The following FBXO21 variants were observed in gnomAD, a reference collection of about 807,000 sequenced individuals.
FBXO21 encodes F-box protein 21.
Under a neutral mutation model 76.6 loss-of-function variants are expected in FBXO21, and 32 were observed. The observed-to-expected ratio is 0.42, with a 90% CI of 0.32 to 0.56. The LOEUF (loss-of-function observed/expected upper bound fraction) is 0.56. FBXO21 is among the 20% of genes least tolerant of loss of function. FBXO21 has a pLI of 0.16. For missense variants in FBXO21, 586 were observed against 797.3 expected (o/e 0.73, Z 3.19); for synonymous variants, 328 against 311.5 (o/e 1.05, Z -0.56).
At chr12:117,176,971 A>T (rs200383764) in intron 4 of FBXO21, among the ~76,000 whole-genome samples, 17 of 31,710 alleles carry the variant, frequency 5.4e-4, no homozygotes, top group East Asian at 3.6e-3. Flanking sequence ...AAATCATTTT[A>T]AAAAAAATGG....
At chr12:117,190,175 G>C in intron 1 of FBXO21, 43 bp downstream of exon 1, 2 of 1,141,432 alleles carry the variant, frequency 1.8e-6, no homozygotes, top group Non-Finnish European at 2.2e-6. Flanking sequence ...CGGGGGGCGC[G>C]GGGCGGTGGG....
At chr12:117,181,643 ATCT>A (rs1956235060) in intron 3 of FBXO21, among the ~76,000 whole-genome samples, 4 of 150,534 alleles carry the variant, frequency 2.7e-5, no homozygotes, top group Non-Finnish European at 5.9e-5. Flanking sequence ...CTATCTATCT[ATCT>A]AATCTAGCTA....
chr12:117,178,452 C>T (rs544662445), intron 3 of FBXO21, among the ~76,000 whole-genome samples: 6 of 152,208 alleles, frequency 3.9e-5, no homozygotes, highest in South Asian at 4.1e-4. Flanking sequence ...TGCAGTAACA[C>T]GTACGGTCAC....
At chr12:117,156,248 A>C (rs530071376) in intron 10 of FBXO21, among the ~76,000 whole-genome samples, 1 of 152,300 alleles carries the variant, frequency 6.6e-6, no homozygotes, top group Non-Finnish European at 1.5e-5. Context: ...TACAGCAAAG[A>C]CTCAGGTGTT....
chr12:117,179,026 A>T lies in FBXO21; in HGVS notation c.471-1385T>A, dbSNP rs190358653. On this transcript the variant is annotated intron_variant, in intron 3 of 11. Coordinates refer to ENST00000622495, the MANE Select transcript of FBXO21 (RefSeq NM_015002.3). ...TCTTCACCACATATCCCAAATACATATGGGGATTATAAGAAGCAGGAGAGA... is the reference window on the plus strand; with the variant it reads ...TCTTCACCACATATCCCAAATACATTTGGGGATTATAAGAAGCAGGAGAGA... Among the ~76,000 whole-genome samples, 375 of 152,274 alleles carry T rather than the reference A, an allele frequency of 2.5e-3. 7 individuals carry two copies. The highest frequency in any genetic ancestry group is 8.1e-4 in the Non-Finnish European group (55 of 68,032).
intron 9 of FBXO21, among the ~76,000 whole-genome samples, chr12:117,162,429 T>C (rs1955991300): frequency 6.6e-6 from 1 of 152,220 alleles, no homozygotes; most frequent in Admixed American, 6.5e-5. Flanking sequence ...ATTTAACTTC[T>C]CCCTGCCTCA....
intron 11 of FBXO21, among the ~76,000 whole-genome samples, chr12:117,153,920 A>G (rs764734104): frequency 6.6e-6 from 1 of 152,254 alleles, no homozygotes; most frequent in Non-Finnish European, 1.5e-5. Flanking sequence ...TTACCTAGAT[A>G]TGATTAGAGA....
intron 9 of FBXO21, among the ~76,000 whole-genome samples, chr12:117,160,047 G>C (rs1461592053): frequency 6.6e-6 from 1 of 152,132 alleles, no homozygotes; most frequent in African/African-American, 2.4e-5. Context: ...GGAGATCCTG[G>C]ATTGGGGTCT....
chr12:117,152,990 G>A (rs1359530197), intron 11 of FBXO21, among the ~76,000 whole-genome samples: 1 of 152,066 alleles, frequency 6.6e-6, no homozygotes, highest in Admixed American at 6.6e-5. Flanking sequence ...CGTGGGAACC[G>A]TGCTGGGGCT....
At position 117,145,926 on chromosome 12, in the gene FBXO21, G is replaced by A. The variant is rs749666377; in HGVS notation, c.*161C>T. 2.8e-5 allele frequency: 15 copies of A among 529,934 alleles called. No homozygotes were observed. The highest frequency in any genetic ancestry group is 3.9e-5 in the Non-Finnish European group (12 of 304,030). The allele number at this position is 529,934 out of a possible 1,614,324, so 32.8% of individuals were successfully genotyped here. A position where few individuals can be genotyped will look rare whatever the true frequency, so the allele number is the denominator to read the frequency against. Reference sequence around the variant, plus strand: ...ACATTGTCTTTGCAGCTGGGGAAGAGCACACGGTATTTAAACTTAGTAGGA... The same window carrying A: ...ACATTGTCTTTGCAGCTGGGGAAGAACACACGGTATTTAAACTTAGTAGGA... On this transcript the variant is annotated 3_prime_UTR_variant, in exon 12 of 12. Coordinates refer to ENST00000622495, the MANE Select transcript of FBXO21 (RefSeq NM_015002.3).
intron 7 of FBXO21, among the ~76,000 whole-genome samples, chr12:117,171,105 T>C (rs192995637): frequency 1.0e-3 from 152 of 152,176 alleles, no homozygotes; most frequent in Admixed American, 2.9e-3. Context: ...GGCTCACGCC[T>C]GTAATCCCAG....
chr12:117,182,659 T>C (rs1956246648), intron 3 of FBXO21, among the ~76,000 whole-genome samples: 1 of 139,330 alleles, frequency 7.2e-6, no homozygotes, highest in South Asian at 2.4e-4. Flanking sequence ...GCCTCCCAGG[T>C]TCAAGCAATT....
rs761051803 is a variant in FBXO21 at position 117,155,906 on chromosome 12, GCAGGTGGGGTCC to G, written c.1548_1559del (p.Trp516_Thr519del). ...TCCGGATCCACTCGTGTCCCATCAT[GCAGGTGGGGTCC>G]CAGCCGTAGATCACACAGTTATAGC... On this transcript the variant is annotated inframe_deletion, in exon 11 of 12. Transcript: ENST00000622495. 1 of 1,614,204 alleles carries G rather than the reference GCAGGTGGGGTCC, an allele frequency of 6.2e-7. No individual in the cohort carries two copies. The highest frequency in any genetic ancestry group is 8.5e-7 in the Non-Finnish European group (1 of 1,180,004).
At position 117,147,893 on chromosome 12, in the gene FBXO21, C is replaced by T. The variant is rs143816405; in HGVS notation, c.1676-1616G>A. On this transcript the variant is annotated intron_variant, in intron 11 of 11. Transcript: ENST00000622495. The stretch of plus-strand genomic sequence containing the variant: ...ACCCCAGTTCCGATCACTCTGAAGC[C>T]ATCCTTGGCACTGCCCATCACTCGA... 2.4e-3 allele frequency among the ~76,000 whole-genome samples: 373 copies of T among 152,332 alleles called. 3 individuals carry two copies. Among genetic ancestry groups the T allele is most frequent in the African/African-American group, 8.6e-3 (358 of 41,572 alleles).
intron 7 of FBXO21, among the ~76,000 whole-genome samples, chr12:117,167,736 ACT>A (rs1374095808): frequency 1.5e-5 from 2 of 131,206 alleles, no homozygotes; most frequent in African/African-American, 2.6e-5. Flanking sequence ...ACAGAAAAAG[ACT>A]CTGTCTCAAA....
At chr12:117,157,193 A>G (rs994585329) in intron 10 of FBXO21, among the ~76,000 whole-genome samples, 1 of 152,070 alleles carries the variant, frequency 6.6e-6, no homozygotes, top group East Asian at 1.9e-4. Context: ...AGAAAAAAAA[A>G]AAAAGAAAAA....
intron 11 of FBXO21, among the ~76,000 whole-genome samples, chr12:117,151,926 T>C (rs899796720): frequency 1.3e-5 from 2 of 152,232 alleles, no homozygotes; most frequent in African/African-American, 2.4e-5. Flanking sequence ...CTTTACAGGA[T>C]GCTACAGAGT....
At chr12:117,159,013 C>G (rs1028496795) in intron 9 of FBXO21, among the ~76,000 whole-genome samples, 1 of 152,216 alleles carries the variant, frequency 6.6e-6, no homozygotes, top group Admixed American at 6.5e-5. Flanking sequence ...AGGCCCAGAT[C>G]GGTCAGACTA....
At chr12:117,181,007 G>C (rs996996600) in intron 3 of FBXO21, among the ~76,000 whole-genome samples, 3 of 152,138 alleles carry the variant, frequency 2.0e-5, no homozygotes, top group African/African-American at 7.2e-5. Flanking sequence ...TATTTATACT[G>C]ACATGTCTTA....
Sources: gnomAD v4.1 joint callset for allele counts (sites outside exome capture counted in the v4.1 genomes callset) on GRCh38, gnomAD v4.1.1 for gene constraint, MANE v1.5 for transcripts, NCBI Gene and HGNC (gene_info 2026-07-23, HGNC 2026-07-21) for gene names.